The following CORIN variants were observed in gnomAD, a reference collection of about 807,000 sequenced individuals.
CORIN encodes corin, serine peptidase, also known as atrial natriuretic peptide-converting enzyme.
Under a neutral mutation model 125.3 loss-of-function variants are expected in CORIN, and 117 were observed. That is an observed-to-expected ratio of 0.93 (90% CI 0.80 to 1.09). The LOEUF is 1.09. Ranked by LOEUF, CORIN falls within the 50% of genes least tolerant of loss-of-function variation. CORIN has a pLI of 0.00. For missense variants in CORIN, 1,253 were observed against 1,306.7 expected (o/e 0.96, Z 0.63); for synonymous variants, 450 against 466.4 (o/e 0.96, Z 0.45).
At chr4:47,618,112 A>G (rs751799391) in intron 19 of CORIN, among the ~76,000 whole-genome samples, 3 of 151,922 alleles carry the variant, frequency 2.0e-5, no homozygotes, top group Non-Finnish European at 2.9e-5. Context: ...AGGTGGGTGG[A>G]TCACTTGAGG....
chr4:47,683,867 C>A, intron 6 of CORIN, 29 bp from the exon 7 acceptor site: 1 of 1,503,260 alleles, frequency 6.7e-7, no homozygotes, highest in South Asian at 1.1e-5. Flanking sequence ...ACCAGTGTGT[C>A]ATCAGAGCCA....
intron 16 of CORIN, chr4:47,632,333 T>G (rs532156606): frequency 6.6e-6 from 1 of 152,302 alleles, no homozygotes; most frequent in South Asian, 2.1e-4. Flanking sequence ...CCTTTCACAG[T>G]GGATAAGATA....
At chr4:47,668,910 A>G (rs952700083) in intron 10 of CORIN, among the ~76,000 whole-genome samples, 1 of 152,256 alleles carries the variant, frequency 6.6e-6, no homozygotes, top group African/African-American at 2.4e-5. Context: ...CAGAATGCTA[A>G]GCAAGATAAA....
chr4:47,682,154 G>A (rs574718555), intron 7 of CORIN: 1 of 153,012 alleles, frequency 6.5e-6, no homozygotes, highest in Admixed American at 6.5e-5. Context: ...GGGACAAAGA[G>A]AGATTGCTGC....
intron 21 of CORIN, among the ~76,000 whole-genome samples, chr4:47,598,666 G>C (rs1415831133): frequency 6.6e-6 from 1 of 152,134 alleles, no homozygotes; most frequent in African/African-American, 2.4e-5. Context: ...CAGACTGACT[G>C]GTTTCATGTC....
chr4:47,748,956 T>C (rs1728781412), intron 4 of CORIN, among the ~76,000 whole-genome samples: 2 of 152,302 alleles, frequency 1.3e-5, no homozygotes, highest in South Asian at 2.1e-4. Context: ...GACATTAGCA[T>C]TGATACAATA....
intron 4 of CORIN, among the ~76,000 whole-genome samples, chr4:47,750,722 C>T (rs1379891286): frequency 2.6e-5 from 4 of 152,192 alleles, no homozygotes; most frequent in African/African-American, 7.2e-5. Flanking sequence ...CAGGGGATCA[C>T]TACCCAAACT....
At chr4:47,633,399 C>G (rs1218801373) in intron 16 of CORIN, among the ~76,000 whole-genome samples, 1 of 151,706 alleles carries the variant, frequency 6.6e-6, no homozygotes, top group Non-Finnish European at 1.5e-5. Flanking sequence ...TAAAATAAAG[C>G]ACCATTTAAA....
intron 17 of CORIN, among the ~76,000 whole-genome samples, chr4:47,624,274 T>A (rs112600761): frequency 6.6e-6 from 1 of 152,212 alleles, no homozygotes; most frequent in Non-Finnish European, 1.5e-5. Flanking sequence ...CACATCATTT[T>A]GGCTGGTGGA....
chr4:47,723,133 T>G (rs1727431934), intron 5 of CORIN, among the ~76,000 whole-genome samples: 1 of 152,174 alleles, frequency 6.6e-6, no homozygotes, highest in Admixed American at 6.5e-5. Flanking sequence ...GCTGTGCTCA[T>G]GGAAGCTGTA....
intron 1 of CORIN, among the ~76,000 whole-genome samples, chr4:47,809,535 G>T (rs1731965269): frequency 1.3e-5 from 2 of 150,924 alleles, no homozygotes; most frequent in African/African-American, 4.9e-5. Context: ...CTCCTGAATA[G>T]CTGAGATTAT....
chr4:47,671,958 A>G (rs796458089), intron 10 of CORIN, among the ~76,000 whole-genome samples: 6 of 152,336 alleles, frequency 3.9e-5, no homozygotes, highest in African/African-American at 1.4e-4. Flanking sequence ...TACTCAGAAG[A>G]GAGCAGGTGC....
chr4:47,726,881 C>T (rs1396436545), intron 5 of CORIN, among the ~76,000 whole-genome samples: 1 of 151,796 alleles, frequency 6.6e-6, no homozygotes, highest in African/African-American at 2.4e-5. Context: ...ATATAAAAAG[C>T]ATTTTATTAA....
intron 6 of CORIN, among the ~76,000 whole-genome samples, chr4:47,686,755 C>T (rs568111182): frequency 3.3e-5 from 5 of 152,268 alleles, no homozygotes; most frequent in East Asian, 1.9e-4. Context: ...GCAAAGTATA[C>T]GCATGCATTC....
intron 13 of CORIN, among the ~76,000 whole-genome samples, chr4:47,650,536 G>A (rs1166553060): frequency 6.6e-6 from 1 of 152,204 alleles, no homozygotes; most frequent in Non-Finnish European, 1.5e-5. Context: ...CAAATCTATA[G>A]AGTGATAGAA....
intron 5 of CORIN, among the ~76,000 whole-genome samples, chr4:47,732,011 A>G (rs1048799188): frequency 2.0e-5 from 3 of 152,184 alleles, no homozygotes; most frequent in African/African-American, 7.2e-5. Context: ...AAGCAAGGAC[A>G]GTGGAATGGA....
chr4:47,816,086 G>A (rs17654526), intron 1 of CORIN, among the ~76,000 whole-genome samples: 1 of 152,056 alleles, frequency 6.6e-6, no homozygotes, highest in Non-Finnish European at 1.5e-5. Context: ...GGAAAGCATA[G>A]AAGACAAAGT....
chr4:47,683,269 C>G (rs1376326808), intron 7 of CORIN: 2 of 153,868 alleles, frequency 1.3e-5, no homozygotes, highest in Non-Finnish European at 1.4e-5. Flanking sequence ...CATCCTAACC[C>G]TGGGTGTAGC....
At chr4:47,683,472 T>C in intron 7 of CORIN, 3 of 321,056 alleles carry the variant, frequency 9.3e-6, no homozygotes, top group Non-Finnish European at 1.7e-5. Context: ...AAAAAACTAT[T>C]AATGCATTAA....
Sources: allele counts gnomAD v4.1 joint callset (sites outside exome capture counted in the v4.1 genomes callset), GRCh38; gene constraint gnomAD v4.1.1; transcripts MANE v1.5; gene names NCBI Gene and HGNC (gene_info 2026-07-23, HGNC 2026-07-21).